FAM13C: variants seen among roughly 807,000 people sequenced by gnomAD.
The protein encoded by FAM13C is protein FAM13C.
A neutral mutation model predicts 73.2 loss-of-function variants in FAM13C; 37 were observed. The observed-to-expected ratio is 0.51, with a 90% CI of 0.39 to 0.67. The LOEUF (loss-of-function observed/expected upper bound fraction) is 0.67, where lower values mean the gene tolerates loss of function less well. Ranked by LOEUF, FAM13C falls within the 30% of genes least tolerant of loss-of-function variation. The pLI, the probability that FAM13C is intolerant of heterozygous loss-of-function variation, is 0.00. For synonymous variants in FAM13C, 246 were observed against 260.9 expected (o/e 0.94, Z 0.55); for missense variants, 589 against 715.6 (o/e 0.82, Z 2.02).
Position 59,247,042 on chromosome 10 carries a change from G to GA in FAM13C, c.*571dup, listed in dbSNP as rs11428990. 0.99 allele frequency: 156,987 copies of GA among 158,716 alleles called. 77,658 individuals are homozygous for GA. Among genetic ancestry groups the GA allele is most frequent in the Non-Finnish European group, 1 (72,269 of 72,288 alleles). The allele number at this position is 158,716 out of a possible 1,614,324, so 9.8% of individuals were successfully genotyped here. A position where few individuals can be genotyped will look rare whatever the true frequency, so the allele number is the denominator to read the frequency against. On this transcript the variant is annotated 3_prime_UTR_variant, in exon 14 of 14. Coordinates refer to ENST00000618804, the MANE Select transcript of FAM13C (RefSeq NM_198215.4). ...ATAATGTGTTATTTTTATAGAGAAAGAAAAAAATAGCAACACAATCTAGTT... is the reference window on the plus strand; with the variant it reads ...ATAATGTGTTATTTTTATAGAGAAAGAAAAAAAATAGCAACACAATCTAGTT...
At chr10:59,283,474 G>C in intron 5 of FAM13C, 27 bp from the exon 6 acceptor site, 1 of 1,611,692 alleles carries the variant, frequency 6.2e-7, no homozygotes. Flanking sequence ...GCAGAGCACA[G>C]ATCAGATTCG....
rs1018637955 is a variant in FAM13C, at chr10:59,275,229, C to T, written c.593-5120G>A. Among the ~76,000 whole-genome samples, 21 of 152,118 alleles carry T rather than the reference C, an allele frequency of 1.4e-4. 1 individual carries two copies. Among genetic ancestry groups the T allele is most frequent in the African/African-American group, 4.6e-4 (19 of 41,424 alleles). On this transcript the variant is annotated intron_variant, in intron 6 of 13. Transcript: ENST00000618804. ...TACCTTTACTAGTCTCATCCCAAGT[C>T]AATTAGAAAGTATAGTCAAGAATGA...
At chr10:59,282,448 T>C (rs1845035728) in intron 6 of FAM13C, 1 of 152,206 alleles carries the variant, frequency 6.6e-6, no homozygotes, top group Non-Finnish European at 1.5e-5. Context: ...AATTTGGGCA[T>C]ATAGTAGGTG....
chr10:59,356,213 G>A (rs1401308943), intron 1 of FAM13C, among the ~76,000 whole-genome samples: 2 of 152,184 alleles, frequency 1.3e-5, no homozygotes, highest in Non-Finnish European at 2.9e-5. Flanking sequence ...GGACCTAAGT[G>A]TTCACAGCAC....
At chr10:59,271,006 C>A (rs145255935) in intron 6 of FAM13C, among the ~76,000 whole-genome samples, 49 of 152,194 alleles carry the variant, frequency 3.2e-4, no homozygotes, top group African/African-American at 1.1e-3. Context: ...TAAGGGCAGG[C>A]GACTGAGGCA....
At chr10:59,348,379 T>G (rs1035843160) in intron 3 of FAM13C, among the ~76,000 whole-genome samples, 2 of 152,216 alleles carry the variant, frequency 1.3e-5, no homozygotes, top group African/African-American at 4.8e-5. Context: ...ACCTAATTAA[T>G]GTGACATTTA....
At chr10:59,254,563 T>G (rs1841748238) in intron 10 of FAM13C, 120 bp from the exon 11 acceptor site, 2 of 428,782 alleles carry the variant, frequency 4.7e-6, no homozygotes, top group Non-Finnish European at 8.3e-6. Context: ...GCAGTTATCA[T>G]GAAAAGGAAA....
At chr10:59,265,053 G>A (rs1285541722) in intron 8 of FAM13C, among the ~76,000 whole-genome samples, 3 of 151,848 alleles carry the variant, frequency 2.0e-5, no homozygotes, top group African/African-American at 7.3e-5. Flanking sequence ...ATGGCAGGTT[G>A]TTGGTGAGAG....
intron 3 of FAM13C, among the ~76,000 whole-genome samples, chr10:59,338,971 T>G (rs1018542943): frequency 1.3e-5 from 2 of 152,168 alleles, no homozygotes; most frequent in African/African-American, 2.4e-5. Context: ...AAGTCCAAAA[T>G]CAAGGTTTCA....
intron 3 of FAM13C, among the ~76,000 whole-genome samples, chr10:59,343,961 C>CT (rs1853876935): frequency 7.5e-6 from 1 of 133,332 alleles, no homozygotes; most frequent in African/African-American, 2.9e-5. Context: ...TTTTTTTTTT[C>CT]TTTTTTCTTT....
Position 59,251,640 on chromosome 10 carries a change from A to G in FAM13C, c.1569T>C (p.Ala523=). The change falls in exon 13 of 14, where the codon GCT becomes GCC. Residue 523 remains alanine (A), a synonymous_variant. Transcript: ENST00000618804. ...VLLDHLRETR[A]DKKRLRKALR... is the part of the protein sequence containing the mutation. ...AGGCTTTCCGCAGTCTCTTCTTGTC[A>G]GCCCTAGTTTCTCGGAGATGGTCAA... 6.2e-7 allele frequency: 1 copy of G among 1,611,956 alleles called. No individual in the cohort carries two copies. Among genetic ancestry groups the G allele is most frequent in the Non-Finnish European group, 8.5e-7 (1 of 1,179,198 alleles).
chr10:59,274,585 C>G (rs1844113975), intron 6 of FAM13C, among the ~76,000 whole-genome samples: 1 of 152,142 alleles, frequency 6.6e-6, no homozygotes, highest in South Asian at 2.1e-4. Context: ...GGCTTCATGA[C>G]AGTCACCCTG....
At chr10:59,293,624 T>G (rs1331306556) in intron 5 of FAM13C, among the ~76,000 whole-genome samples, 1 of 152,194 alleles carries the variant, frequency 6.6e-6, no homozygotes, top group South Asian at 2.1e-4. Context: ...AATAAGAAAA[T>G]TCAGCTCTTG....
At chr10:59,354,694 A>T (rs1362688964) in intron 2 of FAM13C, among the ~76,000 whole-genome samples, 2 of 152,204 alleles carry the variant, frequency 1.3e-5, no homozygotes, top group African/African-American at 4.8e-5. Flanking sequence ...GGTTATTTGC[A>T]AAGGAAAAAA....
chr10:59,248,063 T>C (rs868673902), intron 13 of FAM13C, among the ~76,000 whole-genome samples: 20 of 152,262 alleles, frequency 1.3e-4, no homozygotes, highest in Middle Eastern at 6.8e-3. Context: ...GCATTCTTTG[T>C]CCAGTCATTC....
chr10:59,258,874 A>C (rs901262979), intron 10 of FAM13C, among the ~76,000 whole-genome samples: 4 of 152,156 alleles, frequency 2.6e-5, no homozygotes, highest in African/African-American at 9.7e-5. Flanking sequence ...ACTTTCTAAA[A>C]ATCTGATTTC....
intron 4 of FAM13C, among the ~76,000 whole-genome samples, chr10:59,309,476 C>A (rs1263215095): frequency 1.3e-5 from 2 of 152,174 alleles, no homozygotes; most frequent in East Asian, 3.9e-4. Flanking sequence ...CATCATTCTC[C>A]CTCTCTGAAC....
In FAM13C at chr10:59,314,153, A is replaced by T. The variant is rs571434042; in HGVS notation, c.443+9835T>A. ...GCTCTGAGATGAGATTAAAATTTAG[A>T]TAAATGGTGGAGAGAAGAGAGAACA... On this transcript the variant is annotated intron_variant, in intron 4 of 13. Coordinates refer to ENST00000618804, the MANE Select transcript of FAM13C (RefSeq NM_198215.4). 2.0e-3 allele frequency among the ~76,000 whole-genome samples: 300 copies of T among 152,266 alleles called. 2 individuals carry two copies. Among genetic ancestry groups the T allele is most frequent in the Middle Eastern group, 6.8e-3 (2 of 294 alleles).
At position 59,251,641 on chromosome 10, in the gene FAM13C, G is replaced by C. The variant is rs1389537622; in HGVS notation, c.1568C>G (p.Ala523Gly). ...GGCTTTCCGCAGTCTCTTCTTGTCA[G>C]CCCTAGTTTCTCGGAGATGGTCAAG... is the stretch of plus-strand genomic sequence containing the variant. ...VLLDHLRETR[A>G]DKKRLRKALR... Residue 523 changes from alanine to glycine, a missense_variant, in exon 13 of 14, where the codon GCT becomes GGT. Transcript: ENST00000618804. 2 of 1,611,898 alleles carry C rather than the reference G, an allele frequency of 1.2e-6. No homozygotes were observed.
Sources: gnomAD v4.1 joint callset for allele counts (sites outside exome capture counted in the v4.1 genomes callset) on GRCh38, gnomAD v4.1.1 for gene constraint, MANE v1.5 for transcripts, NCBI Gene and HGNC (gene_info 2026-07-23, HGNC 2026-07-21) for gene names.